The following MZT2A variants were observed in gnomAD, a reference collection of about 807,000 sequenced individuals.
MZT2A encodes mitotic spindle organizing protein 2A.
A neutral mutation model predicts 12.4 loss-of-function variants in MZT2A; 8 were observed. The ratio of observed to expected loss-of-function variants is 0.64; its 90% confidence interval spans 0.38 to 1.16. MZT2A has a LOEUF of 1.16. Among genes scored for constraint, MZT2A ranks in the 50% most tolerant of loss-of-function variants. The pLI is 0.01. For missense variants in MZT2A, 181 were observed against 223.6 expected (o/e 0.81, Z 1.22); for synonymous variants, 88 against 107.5 (o/e 0.82, Z 1.12).
chr2:131,491,180 C>A, intron 2 of MZT2A: 1 of 504,014 alleles, frequency 2.0e-6, no homozygotes, highest in Non-Finnish European at 3.6e-6. Context: ...AGAGGATGAG[C>A]AGGGACGGAG....
At chr2:131,480,237 G>A (rs1678811346), downstream of MZT2A, 2 of 1,613,940 alleles carry the variant, frequency 1.2e-6, no homozygotes, top group South Asian at 1.1e-5. Flanking sequence ...CACAGCCGTG[G>A]TGGAGCCCTA....
upstream of MZT2A, chr2:131,492,557 C>A: frequency 8.7e-7 from 1 of 1,144,668 alleles, no homozygotes; most frequent in Non-Finnish European, 1.1e-6. Context: ...TGGGCGCTCA[C>A]GGTGTGCTGA....
rs192621893 is a variant in MZT2A at position 131,477,660 on chromosome 2, A to G, written c.279-5478T>C. ...GCCTCTGATGCTGTTCTCAAGGGTC[A>G]GCCTTCGAGAGCACAGAGCAGGTGG... On this transcript the variant is annotated intron_variant and NMD_transcript_variant, in intron 2 of 4. Transcript: ENST00000427024. Among the ~76,000 whole-genome samples, 806 of 151,236 alleles carry G rather than the reference A, an allele frequency of 5.3e-3. 10 individuals carry two copies. The highest frequency in any genetic ancestry group is 0.019 in the African/African-American group (766 of 40,602).
chr2:131,479,346 C>A, downstream of MZT2A: 1 of 1,614,124 alleles, frequency 6.2e-7, no homozygotes, highest in African/African-American at 1.3e-5. Flanking sequence ...GCTCTTCCAC[C>A]CGGAGCAGCT....
rs548797551 is a variant in MZT2A, at chr2:131,492,199, C to T, written c.170+8G>A. ...GGCGAGCATGCGGCCCCCACCCGCC[C>T]CGCTCACTTGAACACGTCGGGGTCG... On this transcript the variant is annotated splice_region_variant and intron_variant, in intron 1 of 2. Coordinates refer to ENST00000309451, the MANE Select transcript of MZT2A (RefSeq NM_001085365.2). The T allele has an allele frequency of 1.4e-5, 22 of 1,565,120 alleles. No homozygotes were observed. The Admixed American group carries it at 2.2e-4, about 16-fold the overall frequency.
At chr2:131,481,969 G>T (rs141087977), downstream of MZT2A, among the ~76,000 whole-genome samples, 2,338 of 152,310 alleles carry the variant, frequency 0.015, 54 homozygotes, top group African/African-American at 0.053. Context: ...TCTGAAACTT[G>T]GAATGCTTCC....
chr2:131,473,887 A>AAAAG (rs1394018337), intron 2 of MZT2A, among the ~76,000 whole-genome samples: 6 of 143,282 alleles, frequency 4.2e-5, no homozygotes, highest in Admixed American at 6.7e-5. Flanking sequence ...AAGAAATAAG[A>AAAAG]AAAAGTGTTC....
At chr2:131,478,167 G>A (rs149176469) in intron 2 of MZT2A, 16 of 1,612,456 alleles carry the variant, frequency 9.9e-6, no homozygotes, top group African/African-American at 4.0e-5. Flanking sequence ...TTCACAGCGC[G>A]AGTGTATCTC....
Position 131,491,980 on chromosome 2 carries a change from A to G in MZT2A, c.215T>C (p.Val72Ala). Residue 72 changes from valine (V) to alanine (A), a missense_variant, in exon 2 of 3, where the codon GTC becomes GCC. Coordinates refer to ENST00000309451, the MANE Select transcript of MZT2A (RefSeq NM_001085365.2). Reference protein sequence around the residue: ...LLKLNVAPLAVFQMLKSMCAG... With the variant: ...LLKLNVAPLAAFQMLKSMCAG... ...ACACATGGACTTGAGCATCTGGAAG[A>G]CGGCGAGGGGGGCCACGTTCAGCTT... 4.5e-6 allele frequency: 7 copies of G among 1,551,960 alleles called. No individual in the cohort carries two copies. The highest frequency in any genetic ancestry group is 6.1e-6 in the Non-Finnish European group (7 of 1,148,204).
chr2:131,479,383 A>G (rs773014217), downstream of MZT2A: 8 of 1,614,100 alleles, frequency 5.0e-6, no homozygotes, highest in East Asian at 2.2e-5. Context: ...GATGCAGCCA[A>G]TAATTACGCC....
intron 2 of MZT2A, among the ~76,000 whole-genome samples, chr2:131,484,626 A>G (rs1032144412): frequency 2.0e-5 from 3 of 152,108 alleles, no homozygotes; most frequent in Non-Finnish European, 4.4e-5. Flanking sequence ...CCTCATCCTC[A>G]AGGTGTGTTC....
upstream of MZT2A, chr2:131,492,574 C>A: frequency 1.7e-6 from 2 of 1,180,678 alleles, no homozygotes; most frequent in South Asian, 4.7e-5. Context: ...CTGAGCGGCG[C>A]GCTAGGCGTC....
intron 2 of MZT2A, chr2:131,490,771 G>A: frequency 4.5e-6 from 7 of 1,549,976 alleles, no homozygotes; most frequent in African/African-American, 1.4e-5. Context: ...GGCCTGGAGA[G>A]AGAGGTGAGT....
intron 3 of MZT2A, among the ~76,000 whole-genome samples, chr2:131,471,676 T>G (rs1365785398): frequency 6.6e-6 from 1 of 150,602 alleles, no homozygotes; most frequent in Non-Finnish European, 1.5e-5. Flanking sequence ...ACGAGGTCAC[T>G]GGTGTCAGGC....
chr2:131,493,219 T>G, upstream of MZT2A: 8 of 1,357,180 alleles, frequency 5.9e-6, no homozygotes, highest in Non-Finnish European at 7.6e-6. Flanking sequence ...GCCATCTCCG[T>G]TCCTCCGCGA....
chr2:131,487,429 G>T (rs941324976), intron 2 of MZT2A, among the ~76,000 whole-genome samples: 1 of 152,180 alleles, frequency 6.6e-6, no homozygotes, highest in Non-Finnish European at 1.5e-5. Flanking sequence ...AGTGAGCTAT[G>T]AGTGTGCCAC....
chr2:131,490,018 C>A (rs1269636552), intron 2 of MZT2A: 2 of 969,996 alleles, frequency 2.1e-6, no homozygotes, highest in South Asian at 4.8e-5. Flanking sequence ...CTCATCTCAG[C>A]CTGCAGTCCA....
intron 2 of MZT2A, chr2:131,489,697 G>C (rs1449973203): frequency 4.4e-6 from 1 of 225,702 alleles, no homozygotes; most frequent in Non-Finnish European, 7.4e-6. Flanking sequence ...ATTTTTTGTA[G>C]AGATGGGGTC....
At chr2:131,488,328 GTTTT>G (rs1679137640) in intron 2 of MZT2A, among the ~76,000 whole-genome samples, 4 of 152,172 alleles carry the variant, frequency 2.6e-5, no homozygotes, top group Admixed American at 2.6e-4. Context: ...TGCTTCTGGG[GTTTT>G]CTATTTCCCC....
Sources: gnomAD v4.1 joint callset for allele counts (sites outside exome capture counted in the v4.1 genomes callset) on GRCh38, gnomAD v4.1.1 for gene constraint, MANE v1.5 for transcripts, NCBI Gene and HGNC (gene_info 2026-07-23, HGNC 2026-07-21) for gene names.